KIFC3: variants seen among roughly 807,000 people sequenced by gnomAD.
KIFC3 encodes the protein kinesin family member C3.
Under a neutral mutation model 101.8 loss-of-function variants are expected in KIFC3, and 60 were observed. The observed-to-expected ratio is 0.59, with a 90% confidence interval of 0.48 to 0.73. KIFC3 has a LOEUF of 0.73. Among genes scored for constraint, KIFC3 ranks in the 30% least tolerant of loss-of-function variants. The probability of loss-of-function intolerance (pLI) is 0.00; values close to 1 mark genes in which losing one functional copy is unlikely to be tolerated. For synonymous variants in KIFC3, 476 were observed against 482.7 expected (o/e 0.99, Z 0.18); for missense variants, 966 against 1,137.1 (o/e 0.85, Z 2.16).
At chr16:57,799,106 G>A (rs188518037) in intron 1 of KIFC3, among the ~76,000 whole-genome samples, 1 of 152,216 alleles carries the variant, frequency 6.6e-6, no homozygotes, top group African/African-American at 2.4e-5. Context: ...GGAATGGAGG[G>A]GGGCAGAGAG....
chr16:57,841,477 G>A (rs1344511381), intron 1 of KIFC3, among the ~76,000 whole-genome samples: 5 of 152,126 alleles, frequency 3.3e-5, no homozygotes, highest in Non-Finnish European at 7.3e-5. Flanking sequence ...ACCAGCCTGG[G>A]CAACATGGTG....
At chr16:57,813,811 C>G in intron 1 of KIFC3, 1 of 985,436 alleles carries the variant, frequency 1.0e-6, no homozygotes, top group African/African-American at 1.7e-5. Context: ...AAGGCATCTC[C>G]AGAGTCACAG....
At chr16:57,850,291 TATTCAGGAGGCTG>T (rs2056021979) in intron 1 of KIFC3, among the ~76,000 whole-genome samples, 1 of 149,790 alleles carries the variant, frequency 6.7e-6, no homozygotes, top group South Asian at 2.1e-4. Flanking sequence ...TAGTCCCAGC[TATTCAGGAGGCTG>T]AGACAGGAGG....
chr16:57,832,334 T>A (rs2055599908), intron 1 of KIFC3, among the ~76,000 whole-genome samples: 1 of 143,860 alleles, frequency 7.0e-6, no homozygotes, highest in African/African-American at 2.6e-5. Flanking sequence ...TTTTTTTTTT[T>A]TTTTTTTTTT....
intron 3 of KIFC3, among the ~76,000 whole-genome samples, chr16:57,787,415 A>T (rs8043848): frequency 0.073 from 11,088 of 152,296 alleles, 466 homozygotes; most frequent in South Asian, 0.099. Flanking sequence ...TGCTCACGCC[A>T]CGGGATGTCA....
chr16:57,762,329 G>T (rs367805064), intron 12 of KIFC3, 59 bp from the exon 13 acceptor site: 1 of 1,428,156 alleles, frequency 7.0e-7, no homozygotes, highest in African/African-American at 1.4e-5. Context: ...CGCTCGTGTG[G>T]TGTCTGTCCC....
At chr16:57,784,718 G>A (rs558968115) in intron 3 of KIFC3, among the ~76,000 whole-genome samples, 5 of 152,288 alleles carry the variant, frequency 3.3e-5, no homozygotes, top group South Asian at 2.1e-4. Context: ...GGAAGTGGGC[G>A]AGGCTCAGAT....
At chr16:57,771,458 T>C in intron 5 of KIFC3, 21 bp from the exon 6 acceptor site, 1 of 1,613,360 alleles carries the variant, frequency 6.2e-7, no homozygotes, top group South Asian at 1.1e-5. Flanking sequence ...TGGGAGGCAC[T>C]GGATGAGTGC....
chr16:57,832,992 G>A (rs918384589), intron 1 of KIFC3, among the ~76,000 whole-genome samples: 3 of 152,080 alleles, frequency 2.0e-5, no homozygotes, highest in Admixed American at 6.6e-5. Flanking sequence ...TGGATCACCT[G>A]AGGTCAGGAG....
chr16:57,796,556 C>T (rs968108862), intron 2 of KIFC3, among the ~76,000 whole-genome samples: 3 of 152,248 alleles, frequency 2.0e-5, no homozygotes, highest in Non-Finnish European at 2.9e-5. Flanking sequence ...GGGCCTGGGG[C>T]AGCTGAGCTG....
intron 1 of KIFC3, among the ~76,000 whole-genome samples, chr16:57,837,492 A>C (rs1408386122): frequency 6.7e-6 from 1 of 150,214 alleles, no homozygotes; most frequent in Non-Finnish European, 1.5e-5. Context: ...AAGAGAGAGA[A>C]AGACGGAAGG....
chr16:57,769,790 C>A lies in KIFC3; in HGVS notation c.1087+18G>T. Reference sequence around the variant, plus strand: ...GGGCCGCGGCGTGGGGCAGACAGGGCCCAGCTGGTCAGCTCACCTGCTAGA... The same window carrying A: ...GGGCCGCGGCGTGGGGCAGACAGGGACCAGCTGGTCAGCTCACCTGCTAGA... On this transcript the variant is annotated intron_variant, in intron 8 of 19. Coordinates refer to ENST00000445690, the MANE Select transcript of KIFC3 (RefSeq NM_001130100.2). The surrounding 1 kb of genome is among the most constrained non-coding windows in gnomAD (Gnocchi z 4.3). 1 of 1,612,982 alleles carries A rather than the reference C, an allele frequency of 6.2e-7. No homozygotes were observed. The highest frequency in any genetic ancestry group is 8.5e-7 in the Non-Finnish European group (1 of 1,179,872).
At chr16:57,784,691 A>G (rs1177259276) in intron 3 of KIFC3, among the ~76,000 whole-genome samples, 5 of 152,176 alleles carry the variant, frequency 3.3e-5, no homozygotes, top group Non-Finnish European at 5.9e-5. Flanking sequence ...TGTGGCAGAC[A>G]GGCTTGGAGA....
chr16:57,837,553 G>GAAA (rs879303578), intron 1 of KIFC3, among the ~76,000 whole-genome samples: 8,005 of 111,358 alleles, frequency 0.072, 326 homozygotes, highest in African/African-American at 0.13. Context: ...AAGGAAGGAA[G>GAAA]GAAGAAAGAA....
At chr16:57,834,151 G>A (rs944877946) in intron 1 of KIFC3, among the ~76,000 whole-genome samples, 8 of 152,092 alleles carry the variant, frequency 5.3e-5, no homozygotes, top group Non-Finnish European at 8.8e-5. Context: ...GTGAGCCACC[G>A]CGCCCCGGGA....
chr16:57,769,475 G>A lies in KIFC3; in HGVS notation c.1218+120C>T. 2 of 1,275,738 alleles carry A rather than the reference G, an allele frequency of 1.6e-6. No homozygotes were observed. Among genetic ancestry groups the A allele is most frequent in the South Asian group, 2.9e-5 (2 of 69,280 alleles). The allele number at this position is 1,275,738 out of a possible 1,614,324, so 79.0% of individuals were successfully genotyped here. On this transcript the variant is annotated intron_variant, in intron 9 of 19. Coordinates refer to ENST00000445690, the MANE Select transcript of KIFC3 (RefSeq NM_001130100.2). This position sits in a 1 kb window ranked among gnomAD's most constrained non-coding sequence, Gnocchi z 4.3. ...CAGCAGTAAGTGTCATGGGGGGTGG[G>A]GCAGGGGCTGCTGTCTGAGCGGCTT... is the stretch of plus-strand genomic sequence containing the variant.
intron 10 of KIFC3, 81 bp downstream of exon 10, chr16:57,766,793 T>C: frequency 1.2e-6 from 1 of 861,088 alleles, no homozygotes; most frequent in South Asian, 1.5e-5. Flanking sequence ...GCCTCAATGG[T>C]GGGGTGAGCT....
chr16:57,817,856 G>A (rs2055264704), intron 1 of KIFC3, among the ~76,000 whole-genome samples: 1 of 152,144 alleles, frequency 6.6e-6, no homozygotes, highest in African/African-American at 2.4e-5. Flanking sequence ...GAGGCTCAGA[G>A]AGGTTAAGCA....
intron 1 of KIFC3, among the ~76,000 whole-genome samples, chr16:57,800,305 T>C (rs566785117): frequency 3.2e-4 from 48 of 152,036 alleles, no homozygotes; most frequent in Admixed American, 2.6e-4. Context: ...GGGATGGGAA[T>C]GTGGGCCAAA....
Sources: gnomAD v4.1 joint callset for allele counts (sites outside exome capture counted in the v4.1 genomes callset) on GRCh38, gnomAD v4.1.1 for gene constraint, Gnocchi (gnomAD v3.1) non-coding constraint, MANE v1.5 for transcripts, NCBI Gene and HGNC (gene_info 2026-07-23, HGNC 2026-07-21) for gene names.